CCL24: variants seen among roughly 807,000 people sequenced by gnomAD.
CCL24 encodes the protein C-C motif chemokine 24.
CCL24 carries 6 observed loss-of-function variants against 8.6 expected under a neutral mutation model. The observed-to-expected ratio is 0.70, with a 90% CI of 0.38 to 1.38. The LOEUF (loss-of-function observed/expected upper bound fraction) is 1.38, where lower values mean the gene tolerates loss of function less well. CCL24 is among the 40% of genes most tolerant of loss of function. The pLI, the probability that CCL24 is intolerant of heterozygous loss-of-function variation, is 0.02. For synonymous variants in CCL24, 59 were observed against 52.7 expected (o/e 1.12, Z -0.52); for missense variants, 126 against 147.1 (o/e 0.86, Z 0.74).
chr7:75,815,295 C>T (rs1803865821), upstream of CCL24, among the ~76,000 whole-genome samples: 1 of 150,166 alleles, frequency 6.7e-6, no homozygotes, highest in Admixed American at 6.7e-5. Flanking sequence ...GCTAGGTGAG[C>T]ACCACTGAAC....
Position 75,813,625 on chromosome 7 carries a change from T to C in CCL24, c.73+18A>G. 3 of 1,606,536 alleles carry C rather than the reference T, an allele frequency of 1.9e-6. No homozygotes were observed. The highest frequency in any genetic ancestry group is 2.6e-6 in the Non-Finnish European group (3 of 1,173,142). The stretch of plus-strand genomic sequence containing the variant: ...TCCCAGCCATGCCCTTGGAACTGCA[T>C]CCTGTCGGAGGTCTTACCCGTAGGG... On this transcript the variant is annotated intron_variant, in intron 1 of 2. Coordinates refer to ENST00000222902, the MANE Select transcript of CCL24 (RefSeq NM_002991.3).
In CCL24 at chr7:75,813,732, G is replaced by T; in HGVS notation, c.-17C>A. 6.2e-7 allele frequency: 1 copy of T among 1,610,770 alleles called. No homozygotes were observed. Among genetic ancestry groups the T allele is most frequent in the South Asian group, 1.1e-5 (1 of 90,956 alleles). On this transcript the variant is annotated 5_prime_UTR_variant, in exon 1 of 3. Transcript: ENST00000222902. ...GCCTGCCATGTCTCAGAGAGCAGAA[G>T]CACCAGCTCGGGGCTCAAAGCTGAC... is the stretch of plus-strand genomic sequence containing the variant.
upstream of CCL24, among the ~76,000 whole-genome samples, chr7:75,818,612 T>TAAA (rs547441183): frequency 1.9e-3 from 237 of 121,806 alleles, 2 homozygotes; most frequent in Non-Finnish European, 5.3e-4. Flanking sequence ...CCGGACTCTT[T>TAAA]AAAAAAAAAA....
rs1554534861 is a variant in CCL24, at chr7:75,820,106, C to CTTCCT, written c.-60+3215_-60+3216insAGGAA. 1.9e-4 allele frequency among the ~76,000 whole-genome samples: 14 copies of CTTCCT among 72,110 alleles called. 3 individuals are homozygous for CTTCCT. Among genetic ancestry groups the CTTCCT allele is most frequent in the East Asian group, 1.4e-3 (1 of 708 alleles). 47.3% of individuals were successfully genotyped at this position (72,110 alleles called of 152,430 possible). On this transcript the variant is annotated intron_variant, in intron 1 of 3. Transcript: ENST00000416943. ...TCTTCTTCCTCTTCTTCTTCTTCTT[C>CTTCCT]CTTCTTCTTCTTCTTCTTCTTCTTC...
rs2302006 is a variant in CCL24, at chr7:75,813,412, T to G, written c.85A>C (p.Ile29Leu). 358,795 of 1,605,198 alleles carry G rather than the reference T, an allele frequency of 0.22. 47,356 individuals carry two copies. The highest frequency in any genetic ancestry group is 0.56 in the East Asian group (24,877 of 44,718). Residue 29 changes from isoleucine to leucine, a missense_variant, in exon 2 of 3, where the codon ATC becomes CTC. Coordinates refer to ENST00000222902, the MANE Select transcript of CCL24 (RefSeq NM_002991.3). ...HHIIPTGSVV[I>L]PSPCCMFFVS... ...AAGAACATGCAGCAGGGAGAGGGGA[T>G]GACCACAGAGCCTAGAAGAGGAGAG...
intron 1 of CCL24, among the ~76,000 whole-genome samples, chr7:75,821,886 C>T (rs1462322685): frequency 1.3e-5 from 2 of 150,516 alleles, no homozygotes; most frequent in Admixed American, 6.6e-5. Context: ...CGAGATCCCG[C>T]CACTGCACTC....
At chr7:75,814,829 C>G (rs1249101864), upstream of CCL24, among the ~76,000 whole-genome samples, 2 of 152,002 alleles carry the variant, frequency 1.3e-5, no homozygotes, top group Middle Eastern at 3.2e-3. Context: ...TACCCTGTTT[C>G]CTGAGTTTCC....
chr7:75,819,931 C>T (rs966637026), intron 1 of CCL24, among the ~76,000 whole-genome samples: 21 of 151,186 alleles, frequency 1.4e-4, no homozygotes, highest in African/African-American at 4.4e-4. Flanking sequence ...ATGGTGGGGG[C>T]GGGGAGGATG....
At chr7:75,820,130 T>TC (rs1804010416) in intron 1 of CCL24, among the ~76,000 whole-genome samples, 1 of 81,374 alleles carries the variant, frequency 1.2e-5, no homozygotes, top group African/African-American at 3.9e-5. Flanking sequence ...TTCTTCTTCT[T>TC]CTCCTCCTCC....
rs1204717433 is a variant in CCL24 at position 75,820,018 on chromosome 7, ACTTCTTCTTCTTCTTCTTCTT to A, written c.-60+3283_-60+3303del. 2.6e-3 allele frequency among the ~76,000 whole-genome samples: 271 copies of A among 104,886 alleles called. 1 individual carries two copies. The highest frequency in any genetic ancestry group is 8.4e-3 in the African/African-American group (242 of 28,928). The allele number at this position is 104,886 out of a possible 152,430, so 68.8% of individuals were successfully genotyped here. A position where few individuals can be genotyped will look rare whatever the true frequency, so the allele number is the denominator to read the frequency against. On this transcript the variant is annotated intron_variant, in intron 1 of 3. Transcript: ENST00000416943. Reference sequence around the variant, plus strand: ...CGGATGTAAGGGCTTTTAGTAAACTACTTCTTCTTCTTCTTCTTCTTCTTCTTCTTCTTCTTCTTCTTCTTC... The same window carrying A: ...CGGATGTAAGGGCTTTTAGTAAACTACTTCTTCTTCTTCTTCTTCTTCTTC...
intron 1 of CCL24, among the ~76,000 whole-genome samples, chr7:75,820,085 CTTCCTCTTCTTCT>C (rs1804003736): frequency 1.4e-5 from 2 of 138,688 alleles, no homozygotes; most frequent in African/African-American, 5.2e-5. Context: ...TCTTCTTCTT[CTTCCTCTTCTTCT>C]TCTTCTTCCT....
At position 75,811,981 on chromosome 7, in the gene CCL24, CAG is replaced by C; in HGVS notation, c.192-19_192-18del. On this transcript the variant is annotated intron_variant, in intron 2 of 2. Transcript: ENST00000222902. ...GTGGTGAAGCTGTGGAAGAAAGGGA[CAG>C]GGGATCAGCTGAGGTCGACAGGGAC... The C allele has an allele frequency of 6.2e-7, 1 of 1,608,190 alleles. No homozygotes were observed.
chr7:75,816,166 T>C (rs201070726), upstream of CCL24, among the ~76,000 whole-genome samples: 23 of 152,312 alleles, frequency 1.5e-4, no homozygotes, highest in East Asian at 3.9e-3. Context: ...ACCTGTGCCA[T>C]GGCCAGCATT....
chr7:75,813,736 C>A lies in CCL24; in HGVS notation c.-21G>T, dbSNP rs1554533779. The A allele has an allele frequency of 6.2e-7, 1 of 1,606,654 alleles. No homozygotes were observed. Among genetic ancestry groups the A allele is most frequent in the Non-Finnish European group, 8.5e-7 (1 of 1,173,392 alleles). On this transcript the variant is annotated 5_prime_UTR_variant, in exon 1 of 3. Transcript: ENST00000222902. ...GCCATGTCTCAGAGAGCAGAAGCACCAGCTCGGGGCTCAAAGCTGACGTGC... is the reference window on the plus strand; with the variant it reads ...GCCATGTCTCAGAGAGCAGAAGCACAAGCTCGGGGCTCAAAGCTGACGTGC...
Position 75,820,014 on chromosome 7 carries a change from A to AACT in CCL24, c.-60+3305_-60+3307dup, listed in dbSNP as rs1377978696. Reference sequence around the variant, plus strand: ...GTTACGGATGTAAGGGCTTTTAGTAAACTACTTCTTCTTCTTCTTCTTCTT... The same window carrying AACT: ...GTTACGGATGTAAGGGCTTTTAGTAAACTACTACTTCTTCTTCTTCTTCTTCTT... On this transcript the variant is annotated intron_variant, in intron 1 of 3. Transcript: ENST00000416943. Among the ~76,000 whole-genome samples, 164 of 89,332 alleles carry AACT rather than the reference A, an allele frequency of 1.8e-3. 1 individual carries two copies. Among genetic ancestry groups the AACT allele is most frequent in the African/African-American group, 5.3e-3 (131 of 24,854 alleles). The allele number at this position is 89,332 out of a possible 152,430, so 58.6% of individuals were successfully genotyped here. A position where few individuals can be genotyped will look rare whatever the true frequency, so the allele number is the denominator to read the frequency against.
chr7:75,820,685 C>G (rs1457589075), intron 1 of CCL24, among the ~76,000 whole-genome samples: 2 of 144,210 alleles, frequency 1.4e-5, no homozygotes, highest in African/African-American at 5.1e-5. Flanking sequence ...TCCATCCATC[C>G]ACTTATTCAT....
At chr7:75,815,786 T>G (rs569700454), upstream of CCL24, among the ~76,000 whole-genome samples, 41 of 152,226 alleles carry the variant, frequency 2.7e-4, no homozygotes, top group African/African-American at 9.4e-4. Context: ...CCACGGAGGC[T>G]CTACAGCCCT....
chr7:75,818,442 G>T (rs1379425565), upstream of CCL24, among the ~76,000 whole-genome samples: 4 of 133,484 alleles, frequency 3.0e-5, no homozygotes, highest in Non-Finnish European at 6.3e-5. Context: ...GTGAGACTCC[G>T]TCTCAAAAAA....
chr7:75,812,960 T>C (rs1217314639), intron 2 of CCL24, among the ~76,000 whole-genome samples: 1 of 148,310 alleles, frequency 6.7e-6, no homozygotes, highest in Non-Finnish European at 1.5e-5. Context: ...CCTGGCTGGG[T>C]GTGGTGGTTC....
Sources: gnomAD v4.1 joint callset for allele counts (sites outside exome capture counted in the v4.1 genomes callset) on GRCh38, gnomAD v4.1.1 for gene constraint, MANE v1.5 for transcripts, NCBI Gene and HGNC (gene_info 2026-07-23, HGNC 2026-07-21) for gene names.